The following KIAA1549L variants were observed in gnomAD, a reference collection of about 807,000 sequenced individuals.
KIAA1549L encodes the protein KIAA1549 like, also known as UPF0606 protein KIAA1549L.
KIAA1549L carries 88 observed loss-of-function variants against 160.7 expected under a neutral mutation model. That is an observed-to-expected ratio of 0.55 (90% confidence interval 0.46 to 0.65). The LOEUF is 0.65. Ranked by LOEUF, KIAA1549L falls within the 30% of genes least tolerant of loss-of-function variation. KIAA1549L has a pLI of 0.00. For synonymous variants in KIAA1549L, 950 were observed against 976.7 expected, an observed-to-expected ratio of 0.97 and a Z score of 0.51; for missense variants, 2,258 against 2,437.5, an observed-to-expected ratio of 0.93 and a Z score of 1.55.
chr11:33,592,019 G>T (rs1850070048), intron 12 of KIAA1549L, among the ~76,000 whole-genome samples: 1 of 152,196 alleles, frequency 6.6e-6, no homozygotes, highest in African/African-American at 2.4e-5. Flanking sequence ...AAACCTCGTG[G>T]AGAAGGTTAT....
At chr11:33,387,249 T>C (rs187043340) in intron 1 of KIAA1549L, among the ~76,000 whole-genome samples, 1,930 of 152,324 alleles carry the variant, frequency 0.013, 27 homozygotes, top group Non-Finnish European at 0.02. Flanking sequence ...AGGATTTCTT[T>C]AGTAAAATAA....
At chr11:33,485,207 G>A (rs1852495485) in intron 1 of KIAA1549L, among the ~76,000 whole-genome samples, 1 of 152,176 alleles carries the variant, frequency 6.6e-6, no homozygotes, top group East Asian at 1.9e-4. Context: ...CCAAGGGGAG[G>A]AAGCATCTTG....
chr11:33,387,809 C>T (rs568187653), intron 1 of KIAA1549L, among the ~76,000 whole-genome samples: 2 of 152,268 alleles, frequency 1.3e-5, no homozygotes, highest in South Asian at 2.1e-4. Flanking sequence ...TCCCCCATCC[C>T]CCGTCTGTGT....
intron 1 of KIAA1549L, among the ~76,000 whole-genome samples, chr11:33,428,521 G>A (rs188587935): frequency 8.8e-4 from 133 of 151,376 alleles, no homozygotes; most frequent in East Asian, 3.9e-3. Context: ...TCACTGTTCA[G>A]TTCCCACCTA....
intron 9 of KIAA1549L, among the ~76,000 whole-genome samples, chr11:33,568,711 A>G (rs1310317322): frequency 6.6e-6 from 1 of 152,176 alleles, no homozygotes; most frequent in Non-Finnish European, 1.5e-5. Flanking sequence ...TATAGTGGAC[A>G]CCTGGCCACG....
chr11:33,639,271 A>G (rs1172782270), intron 16 of KIAA1549L, among the ~76,000 whole-genome samples: 2 of 152,296 alleles, frequency 1.3e-5, no homozygotes, highest in African/African-American at 4.8e-5. Flanking sequence ...TTGTAGATGT[A>G]TTGGACTGGT....
In KIAA1549L at chr11:33,591,342, A is replaced by G. The variant is rs781323237; in HGVS notation, c.4672A>G (p.Arg1558Gly). ...QETVVLPLPIRDAPQERDVAQ... is the reference protein window; with the variant it reads ...QETVVLPLPIGDAPQERDVAQ... Reference sequence around the variant, plus strand: ...GACAGTGGTTCTCCCACTGCCCATTAGAGATGCTCCTCAGGAAAGAGACGT... The same window carrying G: ...GACAGTGGTTCTCCCACTGCCCATTGGAGATGCTCCTCAGGAAAGAGACGT... Residue 1558 changes from arginine to glycine, a missense_variant, in exon 12 of 21, where the codon AGA becomes GGA. Transcript: ENST00000658780. 6.2e-7 allele frequency: 1 copy of G among 1,613,248 alleles called. No individual in the cohort carries two copies. The highest frequency in any genetic ancestry group is 8.5e-7 in the Non-Finnish European group (1 of 1,179,212).
intron 10 of KIAA1549L, among the ~76,000 whole-genome samples, chr11:33,575,110 C>T (rs1855402210): frequency 6.6e-6 from 1 of 152,178 alleles, no homozygotes; most frequent in East Asian, 1.9e-4. Flanking sequence ...CACCCTTCTT[C>T]CTCAGCATAA....
At chr11:33,500,371 C>T (rs1457981582) in intron 1 of KIAA1549L, among the ~76,000 whole-genome samples, 8 of 152,130 alleles carry the variant, frequency 5.3e-5, no homozygotes, top group Non-Finnish European at 7.3e-5. Context: ...CTGGCACATA[C>T]GGGCACTCAG....
chr11:33,481,693 C>G (rs1852414496), intron 1 of KIAA1549L, among the ~76,000 whole-genome samples: 1 of 152,240 alleles, frequency 6.6e-6, no homozygotes, highest in Admixed American at 6.5e-5. Flanking sequence ...TCCAGTAGGA[C>G]AGACCCACCC....
chr11:33,637,920 T>C (rs1229160533), intron 16 of KIAA1549L, among the ~76,000 whole-genome samples: 2 of 152,218 alleles, frequency 1.3e-5, no homozygotes, highest in Non-Finnish European at 2.9e-5. Context: ...ACACAGTTCA[T>C]TCTGTAACAG....
At chr11:33,396,121 G>C (rs1253134670) in intron 1 of KIAA1549L, among the ~76,000 whole-genome samples, 6 of 152,096 alleles carry the variant, frequency 3.9e-5, no homozygotes, top group Non-Finnish European at 8.8e-5. Context: ...ATAGCCTAAA[G>C]ACCTCACCTA....
rs1853304545 is a variant in KIAA1549L at position 33,514,684 on chromosome 11, G to A, written c.239-27118G>A. ...TTTTGCAGCCTCAAAGTCATGCTCA[G>A]GAGACAGACACTGATTTTTCCTGTA... On this transcript the variant is annotated intron_variant, in intron 1 of 20. Coordinates refer to ENST00000658780, the MANE Select transcript of KIAA1549L (RefSeq NM_012194.3). 2.6e-5 allele frequency among the ~76,000 whole-genome samples: 4 copies of A among 152,250 alleles called. No homozygotes were observed. The South Asian group carries it at 8.3e-4, about 32-fold the overall frequency.
chr11:33,542,249 C>G lies in KIAA1549L; in HGVS notation c.686C>G (p.Ser229Cys), dbSNP rs913039324. Residue 229 changes from serine to cysteine, a missense_variant, in exon 2 of 21, where the codon TCC becomes TGC. Coordinates refer to ENST00000658780, the MANE Select transcript of KIAA1549L (RefSeq NM_012194.3). ...PSQPVWAGTSSISKHPPRSDI... is the reference protein window; with the variant it reads ...PSQPVWAGTSCISKHPPRSDI... ...CAGCCAGTATGGGCAGGGACTTCCT[C>G]CATTTCAAAGCATCCCCCAAGGTCA... 1.5e-6 allele frequency: 1 copy of G among 660,774 alleles called. No homozygotes were observed. Among genetic ancestry groups the G allele is most frequent in the Non-Finnish European group, 2.8e-6 (1 of 358,816 alleles). The allele number at this position is 660,774 out of a possible 1,614,324, so 40.9% of individuals were successfully genotyped here.
intron 1 of KIAA1549L, among the ~76,000 whole-genome samples, chr11:33,503,156 C>T (rs1024832522): frequency 2.0e-5 from 3 of 152,190 alleles, no homozygotes; most frequent in South Asian, 2.1e-4. Context: ...ATGTTTTAAA[C>T]GTTTTGAGAT....
chr11:33,465,640 A>G (rs187559790), intron 1 of KIAA1549L, among the ~76,000 whole-genome samples: 29 of 152,336 alleles, frequency 1.9e-4, no homozygotes, highest in African/African-American at 7.0e-4. Flanking sequence ...TGTGCGTTGA[A>G]AAGTATGGTT....
At chr11:33,414,835 G>A (rs1412070980) in intron 1 of KIAA1549L, among the ~76,000 whole-genome samples, 1 of 152,094 alleles carries the variant, frequency 6.6e-6, no homozygotes, top group Non-Finnish European at 1.5e-5. Context: ...GTGAGTGAGT[G>A]TGTGTGAGAG....
chr11:33,435,798 A>G (rs796407397), intron 1 of KIAA1549L, among the ~76,000 whole-genome samples: 234 of 7,590 alleles, frequency 0.031, 37 homozygotes, highest in East Asian at 0.066. Context: ...ATATATATAT[A>G]TATATATATA....
intron 1 of KIAA1549L, among the ~76,000 whole-genome samples, chr11:33,533,334 TGG>T (rs1161825171): frequency 6.6e-6 from 1 of 152,124 alleles, no homozygotes; most frequent in Admixed American, 6.5e-5. Context: ...TCCTGAGATG[TGG>T]GGAGTCTCAG....
Sources: gnomAD v4.1 joint callset for allele counts (sites outside exome capture counted in the v4.1 genomes callset) on GRCh38, gnomAD v4.1.1 for gene constraint, MANE v1.5 for transcripts, NCBI Gene and HGNC (gene_info 2026-07-23, HGNC 2026-07-21) for gene names.